The following BAG6 variants were observed in gnomAD, a reference collection of about 807,000 sequenced individuals.
The protein encoded by BAG6 is BAG cochaperone 6, also known as large proline-rich protein BAG6.
BAG6 carries 22 observed loss-of-function variants against 121.0 expected under a neutral mutation model. That is an observed-to-expected ratio of 0.18 (90% CI 0.13 to 0.26). BAG6 has a LOEUF of 0.26. BAG6 is among the 10% of genes least tolerant of loss of function. The probability of loss-of-function intolerance (pLI) is 1.00; values close to 1 mark genes in which losing one functional copy is unlikely to be tolerated. For missense variants in BAG6, 1,233 were observed against 1,537.7 expected, an observed-to-expected ratio of 0.80 and a Z score of 3.31; for synonymous variants, 583 against 584.6, an observed-to-expected ratio of 1.00 and a Z score of 0.04.
rs1210866109 is a variant in BAG6, at chr6:31,640,379, A to G, written c.3138+6T>C. On this transcript the variant is annotated splice_donor_region_variant and intron_variant, in intron 23 of 25. Coordinates refer to ENST00000676615, the MANE Select transcript of BAG6 (RefSeq NM_001387994.1). This position sits in a 1 kb window ranked among gnomAD's most constrained non-coding sequence, Gnocchi z 4.2. ...ATGACCCACTGGATTACTTCCTGACACTTACTGGGGGGACTGCAGCTGCCC... is the reference window on the plus strand; with the variant it reads ...ATGACCCACTGGATTACTTCCTGACGCTTACTGGGGGGACTGCAGCTGCCC... 1 of 1,614,032 alleles carries G rather than the reference A, an allele frequency of 6.2e-7. No homozygotes were observed. The highest frequency in any genetic ancestry group is 2.2e-5 in the East Asian group (1 of 44,894).
chr6:31,651,756 G>A lies in BAG6; in HGVS notation c.8C>T (p.Pro3Leu), dbSNP rs1455290132. The A allele has an allele frequency of 5.6e-6, 9 of 1,612,852 alleles. No homozygotes were observed. Among genetic ancestry groups the A allele is most frequent in the African/African-American group, 2.7e-5 (2 of 74,904 alleles). ...CACAGCGGTACTGGTACTATCATTA[G>A]GCTCCATGGCCGACAGGTCTCTAAA... ME[P>L]NDSTSTAVEE... The change falls in exon 2 of 26, where the codon CCT becomes CTT. Residue 3 changes from proline to leucine, a missense_variant. Physicochemically the swap from Pro to Leu is moderately conservative, Grantham distance 98. This residue lies in a region of BAG6 where 25 missense variants were observed against 16.5 expected (regional missense o/e 1.52). Coordinates refer to ENST00000676615, the MANE Select transcript of BAG6 (RefSeq NM_001387994.1).
chr6:31,641,923 A>G lies in BAG6; in HGVS notation c.2358T>C (p.Ser786=). The change falls in exon 17 of 26, where the codon TCT becomes TCC. Residue 786 remains serine, a synonymous_variant. Transcript: ENST00000676615. The surrounding 1 kb of genome is among the most constrained non-coding windows in gnomAD (Gnocchi z 5.7). ...CCATAGAGAAGTTCTGGCACAGAAGAGAAAGCAAGGCCCCAAAGAATCCTG... is the reference window on the plus strand; with the variant it reads ...CCATAGAGAAGTTCTGGCACAGAAGGGAAAGCAAGGCCCCAAAGAATCCTG... ...GALGFFGALL[S]LLCQNFSMVD... is the part of the protein sequence containing the mutation. 6.2e-7 allele frequency: 1 copy of G among 1,613,036 alleles called. No homozygotes were observed.
At chr6:31,646,789 TTTGA>T (rs1790124159) in intron 7 of BAG6, among the ~76,000 whole-genome samples, 1 of 144,274 alleles carries the variant, frequency 6.9e-6, no homozygotes, top group Non-Finnish European at 1.5e-5. Flanking sequence ...TTTTTTTTTT[TTTGA>T]GACAGAGTCT....
rs1336814728 is a variant in BAG6 at position 31,648,982 on chromosome 6, G to A, written c.424-18C>T. ...CCGTCACTCTGGGGAAAGGGTAAGG[G>A]AAGTTGTTCTGGGAGAAGCCAACAC... On this transcript the variant is annotated intron_variant, in intron 4 of 25. Transcript: ENST00000676615. 1.3e-6 allele frequency: 2 copies of A among 1,524,200 alleles called. No homozygotes were observed. Among genetic ancestry groups the A allele is most frequent in the Middle Eastern group, 1.8e-4 (1 of 5,628 alleles). 94.4% of individuals were successfully genotyped at this position (1,524,200 alleles called of 1,614,324 possible).
chr6:31,642,738 T>C, intron 15 of BAG6, 91 bp downstream of exon 15: 1 of 1,457,224 alleles, frequency 6.9e-7, no homozygotes, highest in South Asian at 1.2e-5. Flanking sequence ...TAGGGGCTCT[T>C]ACCCAGTGGT....
chr6:31,649,482 C>G (rs757247842), intron 3 of BAG6, 28 bp downstream of exon 3: 1 of 1,613,504 alleles, frequency 6.2e-7, no homozygotes, highest in Non-Finnish European at 8.5e-7. Context: ...TAGCCCCAAC[C>G]TCTGAACTGC....
In BAG6 at chr6:31,645,570, TTGATCAACCGC is replaced by T; in HGVS notation, c.942_952del (p.Arg315LeufsTer18). The stretch of plus-strand genomic sequence containing the variant: ...CAGTCGCAGGCTCTCCCCTACCAAG[TTGATCAACCGC>T]TGATCCTCCTCCCGGCCCTCGTGCT... On this transcript the variant is annotated frameshift_variant, in exon 9 of 26. Coordinates refer to ENST00000676615, the MANE Select transcript of BAG6 (RefSeq NM_001387994.1). LOFTEE classifies it high-confidence loss of function. 6.2e-7 allele frequency: 1 copy of T among 1,613,138 alleles called. No homozygotes were observed. Among genetic ancestry groups the T allele is most frequent in the Non-Finnish European group, 8.5e-7 (1 of 1,180,036 alleles).
rs770232694 is a variant in BAG6 at position 31,644,929 on chromosome 6, C to A, written c.1369+17G>T. 1 of 1,555,274 alleles carries A rather than the reference C, an allele frequency of 6.4e-7. No homozygotes were observed. On this transcript the variant is annotated intron_variant, in intron 10 of 25. Transcript: ENST00000676615. This position sits in a 1 kb window ranked among gnomAD's most constrained non-coding sequence, Gnocchi z 4.9. ...CATCATGCTGATCCTGCTCTTCTCG[C>A]CAGCAACTATTCTCACCTTGAATGT...
chr6:31,644,426 G>A lies in BAG6; in HGVS notation c.1448-12C>T, dbSNP rs1299786702. 2 of 1,551,852 alleles carry A rather than the reference G, an allele frequency of 1.3e-6. No homozygotes were observed. Among genetic ancestry groups the A allele is most frequent in the East Asian group, 2.4e-5 (1 of 41,562 alleles). ...GATGAGGGTGGAGCCTGGGGGGCGGGTCTGATGTAACCTTGAACCTGGACC... is the reference window on the plus strand; with the variant it reads ...GATGAGGGTGGAGCCTGGGGGGCGGATCTGATGTAACCTTGAACCTGGACC... On this transcript the variant is annotated splice_polypyrimidine_tract_variant and intron_variant, in intron 11 of 25. Transcript: ENST00000676615. The surrounding 1 kb of genome is among the most constrained non-coding windows in gnomAD (Gnocchi z 4.9).
chr6:31,642,134 C>G lies in BAG6; in HGVS notation c.2313G>C (p.Glu771Asp). The change falls in exon 16 of 26, where the codon GAG becomes GAC. Residue 771 changes from glutamate to aspartate, a missense_variant. By Grantham distance (45) the Glu-to-Asp change is conservative. Around this residue, in one of 7 missense-constraint regions of BAG6, gnomAD observed 288 missense variants for 483.1 expected, o/e 0.60. Transcript: ENST00000676615. ...QRLSGSSNIF[E>D]PGADGALGFF... Reference sequence around the variant, plus strand: ...CACCAAGGGCCCCATCAGCTCCAGGCTCAAAGATGTTGCTGGATCCACTGA... The same window carrying G: ...CACCAAGGGCCCCATCAGCTCCAGGGTCAAAGATGTTGCTGGATCCACTGA... 1 of 1,612,760 alleles carries G rather than the reference C, an allele frequency of 6.2e-7. No individual in the cohort carries two copies. The highest frequency in any genetic ancestry group is 8.5e-7 in the Non-Finnish European group (1 of 1,179,862).
Position 31,651,772 on chromosome 6 carries a change from G to C in BAG6, c.-9C>G, listed in dbSNP as rs751081196. On this transcript the variant is annotated 5_prime_UTR_variant, in exon 2 of 26. Transcript: ENST00000676615. ...CTATCATTAGGCTCCATGGCCGACA[G>C]GTCTCTAAAGAAGAACGAAGGAAGG... 1.2e-5 allele frequency: 20 copies of C among 1,612,122 alleles called. No homozygotes were observed. The highest frequency in any genetic ancestry group is 1.7e-5 in the Non-Finnish European group (20 of 1,179,206).
At position 31,640,715 on chromosome 6, in the gene BAG6, AAAG is replaced by A; in HGVS notation, c.2935-14_2935-12del. On this transcript the variant is annotated splice_polypyrimidine_tract_variant and intron_variant, in intron 21 of 25. Coordinates refer to ENST00000676615, the MANE Select transcript of BAG6 (RefSeq NM_001387994.1). The surrounding 1 kb of genome is among the most constrained non-coding windows in gnomAD (Gnocchi z 4.2). ...CTCCTCAGGAAGTGGCTGTGAAATT[AAAG>A]AACACCATACTTCCTCTCAGATCTC... The A allele has an allele frequency of 6.2e-7, 1 of 1,612,956 alleles. No homozygotes were observed. Among genetic ancestry groups the A allele is most frequent in the East Asian group, 2.2e-5 (1 of 44,878 alleles).
rs540560796 is a variant in BAG6 at position 31,649,640 on chromosome 6, G to T, written c.109-13C>A. 1 of 1,602,184 alleles carries T rather than the reference G, an allele frequency of 6.2e-7. No homozygotes were observed. The highest frequency in any genetic ancestry group is 1.7e-5 in the Admixed American group (1 of 59,948). On this transcript the variant is annotated splice_polypyrimidine_tract_variant and intron_variant, in intron 2 of 25. Transcript: ENST00000676615. ...CTTTTACATTCATCTGAAAAGAAGA[G>T]GCATGCACAGGAATGGAAAGAATGG...
intron 25 of BAG6, 89 bp from the exon 26 acceptor site, chr6:31,639,315 C>T (rs1779806623): frequency 1.4e-6 from 2 of 1,464,838 alleles, no homozygotes; most frequent in Non-Finnish European, 1.9e-6. Context: ...CAGAAGCTAA[C>T]ATTTCCCCCC....
chr6:31,651,781 A>T lies in BAG6; in HGVS notation c.-13-5T>A. ...GGCTCCATGGCCGACAGGTCTCTAA[A>T]GAAGAACGAAGGAAGGAAGGCCCGC... On this transcript the variant is annotated splice_polypyrimidine_tract_variant and splice_region_variant and intron_variant, in intron 1 of 25. Transcript: ENST00000676615. The T allele has an allele frequency of 6.2e-7, 1 of 1,609,824 alleles. No homozygotes were observed. Among genetic ancestry groups the T allele is most frequent in the Non-Finnish European group, 8.5e-7 (1 of 1,177,128 alleles).
Position 31,639,141 on chromosome 6 carries a change from TCAGCAA to T in BAG6, c.3473_3478del (p.Phe1158_Asp1160delinsTyr), listed in dbSNP as rs2150597502. 2 of 1,613,720 alleles carry T rather than the reference TCAGCAA, an allele frequency of 1.2e-6. No homozygotes were observed. The highest frequency in any genetic ancestry group is 1.7e-6 in the Non-Finnish European group (2 of 1,179,828). On this transcript the variant is annotated inframe_deletion, in exon 26 of 26. Coordinates refer to ENST00000676615, the MANE Select transcript of BAG6 (RefSeq NM_001387994.1). Reference sequence around the variant, plus strand: ...CCATAGAGCAAAGAGCTAAGGATCATCAGCAAAGGCCCGCTGGGCATTGGGGAAGCG... The same window carrying T: ...CCATAGAGCAAAGAGCTAAGGATCATAGGCCCGCTGGGCATTGGGGAAGCG...
chr6:31,647,352 C>T (rs1432767649), intron 7 of BAG6, among the ~76,000 whole-genome samples: 5 of 152,196 alleles, frequency 3.3e-5, no homozygotes, highest in African/African-American at 4.8e-5. Flanking sequence ...AGGAGAATTC[C>T]GATCAGGCTC....
chr6:31,644,368 G>T lies in BAG6; in HGVS notation c.1494C>A (p.His498Gln), dbSNP rs751624461. Residue 498 changes from histidine (H) to glutamine (Q), a missense_variant, in exon 12 of 26, where the codon CAC becomes CAA. Around this residue, in one of 7 missense-constraint regions of BAG6, gnomAD observed 777 missense variants for 861.4 expected, o/e 0.90. Coordinates refer to ENST00000676615, the MANE Select transcript of BAG6 (RefSeq NM_001387994.1). This position sits in a 1 kb window ranked among gnomAD's most constrained non-coding sequence, Gnocchi z 4.9. ...QLPSLPPEFMHAVAHQITHQA... is the reference protein window; with the variant it reads ...QLPSLPPEFMQAVAHQITHQA... ...GATGAGTGATCTGGTGGGCGACGGCGTGCATGAACTCAGGGGGCAGGGAGG... is the reference window on the plus strand; with the variant it reads ...GATGAGTGATCTGGTGGGCGACGGCTTGCATGAACTCAGGGGGCAGGGAGG... The T allele has an allele frequency of 1.9e-6, 3 of 1,551,614 alleles. No individual in the cohort carries two copies. The highest frequency in any genetic ancestry group is 1.4e-5 in the African/African-American group (1 of 73,078).
intron 25 of BAG6, 50 bp from the exon 26 acceptor site, chr6:31,639,276 G>C: frequency 6.5e-7 from 1 of 1,535,806 alleles, no homozygotes; most frequent in Non-Finnish European, 9.0e-7. Context: ...AAGTCCCCAT[G>C]ATCCCAGCAA....
Sources: allele counts gnomAD v4.1 joint callset (sites outside exome capture counted in the v4.1 genomes callset), GRCh38; gene constraint gnomAD v4.1.1; regional missense constraint gnomAD v4.1.1; non-coding constraint Gnocchi (gnomAD v3.1); transcripts MANE v1.5; gene names NCBI Gene and HGNC (gene_info 2026-07-23, HGNC 2026-07-21).